NEDD4: variants seen among roughly 807,000 people sequenced by gnomAD.
NEDD4 encodes E3 ubiquitin-protein ligase NEDD4.
In NEDD4, 99 loss-of-function variants were observed where a neutral mutation model predicts 144.9. The observed-to-expected ratio is 0.68, with a 90% CI of 0.58 to 0.81. NEDD4 has a LOEUF of 0.81. Ranked by LOEUF, NEDD4 falls within the 30% of genes least tolerant of loss-of-function variation. The probability of loss-of-function intolerance (pLI) is 0.00; values close to 1 mark genes in which losing one functional copy is unlikely to be tolerated. For missense variants in NEDD4, 985 were observed against 1,065.9 expected, an observed-to-expected ratio of 0.92 and a Z score of 1.06; for synonymous variants, 318 against 350.6, an observed-to-expected ratio of 0.91 and a Z score of 1.04.
At chr15:55,909,014 TATC>T (rs1566945500) in intron 5 of NEDD4, among the ~76,000 whole-genome samples, 1 of 152,234 alleles carries the variant, frequency 6.6e-6, no homozygotes, top group Non-Finnish European at 1.5e-5. Context: ...TTGTCTACTA[TATC>T]ATCAATATCT....
intron 5 of NEDD4, among the ~76,000 whole-genome samples, chr15:55,898,060 A>C (rs2035794057): frequency 6.6e-6 from 1 of 152,236 alleles, no homozygotes; most frequent in South Asian, 2.1e-4. Context: ...CACATCCATG[A>C]GAGGTGAAAT....
chr15:55,900,068 C>CTT (rs113523545), intron 5 of NEDD4, among the ~76,000 whole-genome samples: 22 of 145,564 alleles, frequency 1.5e-4, no homozygotes, highest in Middle Eastern at 3.5e-3. Context: ...CATGACTCCA[C>CTT]TTTTTTTTTT....
intron 1 of NEDD4, among the ~76,000 whole-genome samples, chr15:55,981,060 C>T (rs867196897): frequency 1.4e-5 from 2 of 144,102 alleles, no homozygotes; most frequent in South Asian, 2.2e-4. Flanking sequence ...TTTTTTGAGA[C>T]GGAGTCTCAC....
At chr15:55,953,865 C>T (rs907256702) in intron 2 of NEDD4, among the ~76,000 whole-genome samples, 6 of 152,288 alleles carry the variant, frequency 3.9e-5, no homozygotes, top group Middle Eastern at 3.4e-3. Context: ...GGACTACAGG[C>T]GCCTGCCACC....
intron 5 of NEDD4, among the ~76,000 whole-genome samples, chr15:55,880,689 G>A (rs62043797): frequency 0.013 from 1,974 of 152,174 alleles, 16 homozygotes; most frequent in Non-Finnish European, 0.019. Flanking sequence ...GAAAGACAGG[G>A]AAAGGAAGTC....
chr15:55,869,509 G>A (rs1836508011), intron 8 of NEDD4, 70 bp downstream of exon 8: 1 of 841,510 alleles, frequency 1.2e-6, no homozygotes, highest in East Asian at 2.7e-5. Context: ...AATAGTTATT[G>A]TTCTTCAGAG....
intron 5 of NEDD4, among the ~76,000 whole-genome samples, chr15:55,900,033 C>T (rs1395242674): frequency 6.6e-6 from 1 of 151,788 alleles, no homozygotes; most frequent in Non-Finnish European, 1.5e-5. Flanking sequence ...CTGAATGATG[C>T]CCCACACCAC....
At chr15:55,879,680 G>A (rs1402319213) in intron 5 of NEDD4, among the ~76,000 whole-genome samples, 2 of 152,096 alleles carry the variant, frequency 1.3e-5, no homozygotes, top group Admixed American at 6.6e-5. Flanking sequence ...GAGATAAGAG[G>A]AGATGAACCA....
intron 1 of NEDD4, among the ~76,000 whole-genome samples, chr15:55,970,163 C>T (rs1161451086): frequency 6.6e-6 from 1 of 152,106 alleles, no homozygotes. Context: ...TGGCCATGGG[C>T]AGAGACTCTG....
At chr15:55,934,263 C>G (rs1456375875) in intron 4 of NEDD4, among the ~76,000 whole-genome samples, 1 of 152,184 alleles carries the variant, frequency 6.6e-6, no homozygotes, top group South Asian at 2.1e-4. Flanking sequence ...ATAATGATTT[C>G]AAGGTTCATC....
At chr15:55,947,527 C>T (rs1438011198) in intron 4 of NEDD4, among the ~76,000 whole-genome samples, 2 of 152,090 alleles carry the variant, frequency 1.3e-5, no homozygotes, top group African/African-American at 4.8e-5. Flanking sequence ...TAATTAATAG[C>T]CTACCAACCA....
At chr15:55,890,175 CA>C (rs1166958917) in intron 5 of NEDD4, among the ~76,000 whole-genome samples, 13 of 152,010 alleles carry the variant, frequency 8.6e-5, no homozygotes, top group African/African-American at 2.9e-4. Context: ...TATGTACCCA[CA>C]AAAATTAAAA....
At position 55,891,120 on chromosome 15, in the gene NEDD4, A is replaced by T. The variant is rs1356834858; in HGVS notation, c.292-17112T>A. Among the ~76,000 whole-genome samples the T allele has an allele frequency of 2.0e-5, 3 of 152,150 alleles. No individual in the cohort carries two copies. In the East Asian group the frequency reaches 5.8e-4, roughly 29 times the overall value. ...AGAACAAAAATCCCACATGGTGAGAATTTTCTTGTCTCAAGTACCTACATT... is the reference window on the plus strand; with the variant it reads ...AGAACAAAAATCCCACATGGTGAGATTTTTCTTGTCTCAAGTACCTACATT... On this transcript the variant is annotated intron_variant, in intron 5 of 28. Transcript: ENST00000435532.
intron 23 of NEDD4, 128 bp downstream of exon 23, chr15:55,837,979 T>C: frequency 3.4e-6 from 3 of 883,728 alleles, no homozygotes; most frequent in Non-Finnish European, 5.3e-6. Context: ...TGCTTGCTAC[T>C]GCATTGTGAT....
rs1391506011 is a variant in NEDD4, at chr15:55,848,466, C to T, written c.1484-36G>A. ...GAAAAAGAAAAAAGATGTACTTTCT[C>T]ACACATAAAATTTATTACAAAAAAT... On this transcript the variant is annotated intron_variant, in intron 16 of 28. Transcript: ENST00000435532. 2.5e-6 allele frequency: 4 copies of T among 1,612,860 alleles called. No homozygotes were observed. The African/African-American group carries it at 5.3e-5, about 22-fold the overall frequency.
chr15:55,964,692 GGTGTGTGTGTGTGTGT>G (rs58177503), intron 2 of NEDD4, among the ~76,000 whole-genome samples: 4 of 137,118 alleles, frequency 2.9e-5, no homozygotes, highest in African/African-American at 8.2e-5. Context: ...TTTTGCTGCT[GGTGTGTGTGTGTGTGT>G]GTGTGTGTGT....
chr15:55,850,787 C>T, intron 13 of NEDD4, 45 bp from the exon 14 acceptor site: 1 of 1,536,580 alleles, frequency 6.5e-7, no homozygotes. Context: ...ATAGAGAGAA[C>T]TCACAAATAG....
At chr15:55,851,461 A>G (rs1485455878) in intron 13 of NEDD4, among the ~76,000 whole-genome samples, 2 of 151,768 alleles carry the variant, frequency 1.3e-5, no homozygotes, top group East Asian at 1.9e-4. Context: ...CATATAAACA[A>G]TATTTTACAT....
chr15:55,838,025 C>CA (rs1311460770), intron 23 of NEDD4, 82 bp downstream of exon 23: 1 of 975,656 alleles, frequency 1.0e-6, no homozygotes, highest in Non-Finnish European at 1.6e-6. Context: ...GACAAGGGGA[C>CA]AGAGAAAGAT....
Sources: allele counts gnomAD v4.1 joint callset (sites outside exome capture counted in the v4.1 genomes callset), GRCh38; gene constraint gnomAD v4.1.1; transcripts MANE v1.5; gene names NCBI Gene and HGNC (gene_info 2026-07-23, HGNC 2026-07-21).